Variants in C8A observed in about 807,000 individuals in gnomAD.
C8A encodes the protein complement component C8 alpha chain.
In C8A, 67 loss-of-function variants were observed where a neutral mutation model predicts 65.3. The ratio of observed to expected loss-of-function variants is 1.03; its 90% confidence interval spans 0.84 to 1.26. C8A has a LOEUF of 1.26. Ranked by LOEUF, C8A falls within the 50% of genes most tolerant of loss-of-function variation. The probability of loss-of-function intolerance (pLI) is 0.00; values close to 1 mark genes in which losing one functional copy is unlikely to be tolerated. For synonymous variants in C8A, 290 were observed against 259.4 expected (o/e 1.12, Z -1.13); for missense variants, 781 against 723.9 (o/e 1.08, Z -0.90).
rs553882297 is a variant in C8A at position 56,884,769 on chromosome 1, A to G, written c.855+1088A>G. Among the ~76,000 whole-genome samples, 16 of 152,240 alleles carry G rather than the reference A, an allele frequency of 1.1e-4. No homozygotes were observed. In the South Asian group the frequency reaches 1.9e-3, roughly 18 times the overall value. ...CCAGTGCTATCTCTTATTTTTTTAT[A>G]TAAAGATGCTGCTTTTCTTTATTAC... On this transcript the variant is annotated intron_variant, in intron 6 of 10. Coordinates refer to ENST00000361249, the MANE Select transcript of C8A (RefSeq NM_000562.3).
At position 56,867,665 on chromosome 1, in the gene C8A, C is replaced by G; in HGVS notation, c.134C>G (p.Ser45Ter). 6.2e-7 allele frequency: 1 copy of G among 1,613,836 alleles called. No homozygotes were observed. The highest frequency in any genetic ancestry group is 8.5e-7 in the Non-Finnish European group (1 of 1,179,886). Residue 45 changes from serine to a stop codon, truncating the protein, a stop_gained, in exon 2 of 11, where the codon TCA becomes TGA. Coordinates refer to ENST00000361249, the MANE Select transcript of C8A (RefSeq NM_000562.3). LOFTEE classifies it high-confidence loss of function. ...GTTACCTGCCAGCTGAGCAACTGGT[C>G]AGAGTGGACAGATTGCTTTCCGTGC... The part of the protein sequence containing the change: ...AAVTCQLSNW[S>*]EWTDCFPCQD...
In C8A at chr1:56,857,373, TC is replaced by T. The variant is rs201461411; in HGVS notation, c.77+2396del. 3.7e-4 allele frequency among the ~76,000 whole-genome samples: 57 copies of T among 152,074 alleles called. No homozygotes were observed. In the East Asian group the frequency reaches 7.5e-3, roughly 20 times the overall value. On this transcript the variant is annotated intron_variant, in intron 1 of 10. Coordinates refer to ENST00000361249, the MANE Select transcript of C8A (RefSeq NM_000562.3). The stretch of plus-strand genomic sequence containing the variant: ...TGCTTGATAATTTACCCTTTTATTA[TC>T]ATGAAAGGCTTCCATTATCCCTGGC...
chr1:56,896,568 G>T (rs1159692382), intron 7 of C8A, among the ~76,000 whole-genome samples: 1 of 152,148 alleles, frequency 6.6e-6, no homozygotes, highest in Non-Finnish European at 1.5e-5. Context: ...ATTGCATGAG[G>T]CCCATGCACA....
At chr1:56,883,018 A>T (rs1018265343) in intron 5 of C8A, among the ~76,000 whole-genome samples, 11 of 150,400 alleles carry the variant, frequency 7.3e-5, no homozygotes, top group Admixed American at 2.0e-4. Context: ...CAGCAGAGAA[A>T]TGAAATCCTG....
In C8A at chr1:56,865,700, A is replaced by G. The variant is rs533064425; in HGVS notation, c.78-1909A>G. Among the ~76,000 whole-genome samples, 15 of 152,304 alleles carry G rather than the reference A, an allele frequency of 9.8e-5. No homozygotes were observed. The South Asian group carries it at 3.1e-3, about 32-fold the overall frequency. On this transcript the variant is annotated intron_variant, in intron 1 of 10. Coordinates refer to ENST00000361249, the MANE Select transcript of C8A (RefSeq NM_000562.3). ...GTATAAAAAATGCAGAGACCCTATCATTTCAAGGAAAACAAATAACATTAC... is the reference window on the plus strand; with the variant it reads ...GTATAAAAAATGCAGAGACCCTATCGTTTCAAGGAAAACAAATAACATTAC...
At chr1:56,907,900 C>T in intron 8 of C8A, 56 bp from the exon 9 acceptor site, 1 of 1,600,186 alleles carries the variant, frequency 6.2e-7, no homozygotes, top group Non-Finnish European at 8.6e-7. Context: ...GGTTTGTCAA[C>T]CAGTCCTTGG....
At chr1:56,911,590 T>C (rs571150542) in intron 9 of C8A, among the ~76,000 whole-genome samples, 1 of 152,326 alleles carries the variant, frequency 6.6e-6, no homozygotes, top group African/African-American at 2.4e-5. Context: ...GCTGCTGGCA[T>C]GTAGTGGGTA....
At chr1:56,905,243 C>A (rs769340904) in intron 7 of C8A, among the ~76,000 whole-genome samples, 37 of 152,154 alleles carry the variant, frequency 2.4e-4, no homozygotes, top group Non-Finnish European at 5.1e-4. Flanking sequence ...TCCAAAGAGG[C>A]ACAGAGGGCT....
Position 56,863,214 on chromosome 1 carries a change from AT to A in C8A, c.78-4394del, listed in dbSNP as rs1284899519. Among the ~76,000 whole-genome samples, 19 of 152,308 alleles carry A rather than the reference AT, an allele frequency of 1.2e-4. No homozygotes were observed. The East Asian group carries it at 3.7e-3, about 29-fold the overall frequency. ...TATGATCTTTCTTATGTTCTCTGTA[AT>A]GAGACTGTATTACTTTTATAATCAT... On this transcript the variant is annotated intron_variant, in intron 1 of 10. Coordinates refer to ENST00000361249, the MANE Select transcript of C8A (RefSeq NM_000562.3).
In C8A at chr1:56,874,131, A is replaced by G. The variant is rs1335151394; in HGVS notation, c.172-818A>G. ...TAATAGGCAAGGCATCTACAACTTG[A>G]TGTCCACAGTTTCCAACAATTCCAG... On this transcript the variant is annotated intron_variant, in intron 2 of 10. Coordinates refer to ENST00000361249, the MANE Select transcript of C8A (RefSeq NM_000562.3). Among the ~76,000 whole-genome samples, 5 of 152,200 alleles carry G rather than the reference A, an allele frequency of 3.3e-5. 1 individual carries two copies. Among genetic ancestry groups the G allele is most frequent in the Non-Finnish European group, 7.3e-5 (5 of 68,044 alleles).
chr1:56,885,358 GTAAATATATATTTATATTTATT>G (rs1342841121), intron 6 of C8A, among the ~76,000 whole-genome samples: 22 of 116,270 alleles, frequency 1.9e-4, no homozygotes, highest in African/African-American at 4.1e-4. Context: ...ATATATTTAT[GTAAATATATATTTATATTTATT>G]TAAATATATA....
At chr1:56,901,004 TA>T (rs1023201405) in intron 7 of C8A, among the ~76,000 whole-genome samples, 9 of 152,184 alleles carry the variant, frequency 5.9e-5, no homozygotes, top group African/African-American at 2.2e-4. Context: ...ATGAAAGAGA[TA>T]AAGGGACTTT....
intron 4 of C8A, 105 bp from the exon 5 acceptor site, chr1:56,881,340 A>G: frequency 8.6e-7 from 1 of 1,160,076 alleles, no homozygotes; most frequent in East Asian, 2.4e-5. Flanking sequence ...GGTTTGTCAC[A>G]TAGGTAAACG....
chr1:56,891,299 A>G (rs1181551236), intron 7 of C8A, among the ~76,000 whole-genome samples: 3 of 152,134 alleles, frequency 2.0e-5, no homozygotes, highest in Admixed American at 6.6e-5. Context: ...GGAAGAAGGC[A>G]TGTGTGGCAG....
chr1:56,874,834 A>G, intron 2 of C8A, 115 bp from the exon 3 acceptor site: 1 of 1,120,832 alleles, frequency 8.9e-7, no homozygotes, highest in Non-Finnish European at 1.3e-6. Context: ...CTTCACAGGC[A>G]GGTCTCAATC....
At chr1:56,880,899 G>A (rs1644242132) in intron 4 of C8A, among the ~76,000 whole-genome samples, 1 of 152,180 alleles carries the variant, frequency 6.6e-6, no homozygotes, top group Non-Finnish European at 1.5e-5. Flanking sequence ...AGGTCACACA[G>A]CTAGATGTGG....
At chr1:56,860,258 G>A (rs983974065) in intron 1 of C8A, among the ~76,000 whole-genome samples, 1 of 152,188 alleles carries the variant, frequency 6.6e-6, no homozygotes, top group Non-Finnish European at 1.5e-5. Context: ...GGGATCACCT[G>A]TGCTAAGACT....
chr1:56,917,728 C>G lies in C8A; in HGVS notation c.*12C>G. ...CGCAGGCTTGCTGAGGGCCTCTGGA[C>G]ACAGGCTGGACCAGATGCTGTGGAT... On this transcript the variant is annotated 3_prime_UTR_variant, in exon 11 of 11. Transcript: ENST00000361249. 6.2e-7 allele frequency: 1 copy of G among 1,613,838 alleles called. No homozygotes were observed. The highest frequency in any genetic ancestry group is 1.7e-5 in the Admixed American group (1 of 60,028).
At chr1:56,875,371 T>C (rs910258350) in intron 3 of C8A, among the ~76,000 whole-genome samples, 4 of 152,206 alleles carry the variant, frequency 2.6e-5, no homozygotes, top group African/African-American at 9.6e-5. Context: ...CCACATATTA[T>C]GTGCCAGGAA....
Sources: allele counts gnomAD v4.1 joint callset (sites outside exome capture counted in the v4.1 genomes callset), GRCh38; gene constraint gnomAD v4.1.1; transcripts MANE v1.5; gene names NCBI Gene and HGNC (gene_info 2026-07-23, HGNC 2026-07-21).